Variants in AP3D1 observed in about 807,000 individuals in gnomAD.
The protein encoded by AP3D1 is adaptor related protein complex 3 subunit delta 1, also known as AP-3 complex subunit delta-1.
A neutral mutation model predicts 147.6 loss-of-function variants in AP3D1; 51 were observed. The ratio of observed to expected loss-of-function variants is 0.35; its 90% CI spans 0.28 to 0.44. The LOEUF is 0.44. Ranked by LOEUF, AP3D1 falls within the 20% of genes least tolerant of loss-of-function variation. The pLI is 1.00. For missense variants in AP3D1, 1,421 were observed against 1,624.2 expected, an observed-to-expected ratio of 0.87 and a Z score of 2.15; for synonymous variants, 760 against 663.0, an observed-to-expected ratio of 1.15 and a Z score of -2.25.
At chr19:2,139,542 G>T (rs891916250) in intron 1 of AP3D1, among the ~76,000 whole-genome samples, 1 of 152,170 alleles carries the variant, frequency 6.6e-6, no homozygotes, top group African/African-American at 2.4e-5. Context: ...GACGTGAGGC[G>T]CCCAACATAG....
chr19:2,145,154 C>A (rs778049473), intron 1 of AP3D1, among the ~76,000 whole-genome samples: 41 of 152,202 alleles, frequency 2.7e-4, no homozygotes, highest in Admixed American at 3.9e-4. Context: ...CAGGACAGGA[C>A]AAAACACCAG....
At chr19:2,134,077 G>A (rs2019017041) in intron 4 of AP3D1, among the ~76,000 whole-genome samples, 1 of 151,866 alleles carries the variant, frequency 6.6e-6, no homozygotes, top group East Asian at 1.9e-4. Flanking sequence ...TCCAGATGGC[G>A]ACAGAGTGAG....
Position 2,108,743 on chromosome 19 carries a change from C to A in AP3D1, c.3496G>T (p.Ala1166Ser). Residue 1166 changes from alanine (A) to serine (S), a missense_variant, in exon 31 of 32, where the codon GCC becomes TCC. This residue lies in a region of AP3D1 where 791 missense variants were observed against 761.4 expected (regional missense o/e 1.04). Coordinates refer to ENST00000643116, the MANE Select transcript of AP3D1 (RefSeq NM_001261826.3). ...TGGATGGAGCGGCTGTACATGGAGG[C>A]GCAGGAGTCCACTCGCTCCACAACT... ...FSVVERVDSC[A>S]SMYSRSIQGH... 6.3e-7 allele frequency: 1 copy of A among 1,578,634 alleles called. No individual in the cohort carries two copies. Among genetic ancestry groups the A allele is most frequent in the Non-Finnish European group, 8.6e-7 (1 of 1,162,570 alleles).
chr19:2,115,168 C>T (rs759867566), intron 20 of AP3D1, 51 bp downstream of exon 20: 15 of 1,566,006 alleles, frequency 9.6e-6, no homozygotes, highest in Middle Eastern at 1.7e-4. Context: ...CCAGGACACA[C>T]ACATGCGGAA....
chr19:2,130,617 C>G, intron 5 of AP3D1, 80 bp from the exon 6 acceptor site: 1 of 1,584,642 alleles, frequency 6.3e-7, no homozygotes, highest in Non-Finnish European at 8.6e-7. Flanking sequence ...GCCTCCTCCA[C>G]AGAGAGGAGA....
chr19:2,160,353 A>AC (rs1429495641), intron 1 of AP3D1, among the ~76,000 whole-genome samples: 1 of 151,320 alleles, frequency 6.6e-6, no homozygotes, highest in Non-Finnish European at 1.5e-5. Context: ...ACATGGTGAA[A>AC]CCCCATCTCT....
chr19:2,135,485 G>A (rs559556710), intron 4 of AP3D1, among the ~76,000 whole-genome samples: 13 of 151,990 alleles, frequency 8.6e-5, no homozygotes, highest in Non-Finnish European at 1.3e-4. Context: ...GCGGTGAGCC[G>A]ACATCACGCC....
intron 14 of AP3D1, among the ~76,000 whole-genome samples, 176 bp downstream of exon 14, chr19:2,120,686 G>A (rs1474987451): frequency 6.6e-6 from 1 of 152,214 alleles, no homozygotes; most frequent in Non-Finnish European, 1.5e-5. Flanking sequence ...CTCTGTAAAG[G>A]GGGAATGGGC....
At chr19:2,114,078 C>A in intron 22 of AP3D1, 47 bp downstream of exon 22, 3 of 1,531,204 alleles carry the variant, frequency 2.0e-6, no homozygotes, top group South Asian at 1.2e-5. Context: ...GAGTTCACGG[C>A]AAGGGAGGGG....
rs369499279 is a variant in AP3D1 at position 2,116,147 on chromosome 19, G to A, written c.2073+60C>T. The A allele has an allele frequency of 1.2e-4, 187 of 1,547,386 alleles. 1 individual carries two copies. The African/African-American group carries it at 2.3e-3, about 19-fold the overall frequency. On this transcript the variant is annotated intron_variant, in intron 18 of 31. Transcript: ENST00000643116. ...AACCCGAAACTCAGATGGATGCCGCGGGGCTCGGGTGGTGAGGGTAGAGGG... is the reference window on the plus strand; with the variant it reads ...AACCCGAAACTCAGATGGATGCCGCAGGGCTCGGGTGGTGAGGGTAGAGGG...
intron 1 of AP3D1, among the ~76,000 whole-genome samples, chr19:2,160,847 G>A (rs889934161): frequency 1.3e-5 from 2 of 152,112 alleles, no homozygotes; most frequent in Non-Finnish European, 2.9e-5. Context: ...GGTAAGCAGC[G>A]TCCGTGGCCT....
In AP3D1 at chr19:2,121,274, A is replaced by T; in HGVS notation, c.1139T>A (p.Leu380Gln). 2 of 1,614,174 alleles carry T rather than the reference A, an allele frequency of 1.2e-6. No individual in the cohort carries two copies. Among genetic ancestry groups the T allele is most frequent in the Non-Finnish European group, 1.7e-6 (2 of 1,180,020 alleles). ...CTCTGCCTTGTCTACGTGGGTCATC[A>T]GCTTCTTCACGATCTCCATCAGGTT... The part of the protein sequence containing the change: ...KKNLMEIVKK[L>Q]MTHVDKAEGT... The change falls in exon 13 of 32, where the codon CTG becomes CAG. Residue 380 changes from leucine to glutamine, a missense_variant. Transcript: ENST00000643116.
chr19:2,148,418 G>C (rs2019419051), intron 1 of AP3D1, among the ~76,000 whole-genome samples: 1 of 152,154 alleles, frequency 6.6e-6, no homozygotes, highest in Non-Finnish European at 1.5e-5. Context: ...CAAAGTTTCA[G>C]GACAGGACGG....
At chr19:2,129,894 C>T (rs2018888229) in intron 6 of AP3D1, among the ~76,000 whole-genome samples, 1 of 152,210 alleles carries the variant, frequency 6.6e-6, no homozygotes, top group Admixed American at 6.5e-5. Context: ...TCCCCTCCTG[C>T]ACACAGGGCC....
At chr19:2,135,960 C>A (rs35452464) in intron 4 of AP3D1, among the ~76,000 whole-genome samples, 1 of 152,088 alleles carries the variant, frequency 6.6e-6, no homozygotes, top group Non-Finnish European at 1.5e-5. Flanking sequence ...CAGGCCCCAC[C>A]TGCTACACGG....
intron 8 of AP3D1, among the ~76,000 whole-genome samples, chr19:2,128,384 G>C (rs962137262): frequency 6.6e-6 from 1 of 152,066 alleles, no homozygotes; most frequent in African/African-American, 2.4e-5. Context: ...TCATCTTTCA[G>C]CTGCTTCACG....
chr19:2,111,107 G>C (rs988860185), intron 26 of AP3D1, 178 bp downstream of exon 26: 10 of 932,292 alleles, frequency 1.1e-5, no homozygotes, highest in African/African-American at 1.7e-5. Flanking sequence ...AAGTCTCAGG[G>C]CATGTCTCCA....
Position 2,101,971 on chromosome 19 carries a change from T to C in AP3D1, c.*202A>G, listed in dbSNP as rs2017965992. The C allele has an allele frequency of 9.0e-6, 5 of 557,972 alleles. No individual in the cohort carries two copies. The highest frequency in any genetic ancestry group is 6.4e-5 in the South Asian group (3 of 47,072). The allele number at this position is 557,972 out of a possible 1,614,324, so 34.6% of individuals were successfully genotyped here. A position where few individuals can be genotyped will look rare whatever the true frequency, so the allele number is the denominator to read the frequency against. On this transcript the variant is annotated 3_prime_UTR_variant, in exon 32 of 32. Coordinates refer to ENST00000643116, the MANE Select transcript of AP3D1 (RefSeq NM_001261826.3). ...GAAGGGGACTTCTTGCCAAAGAGAA[T>C]GGGAAGAGTCACAGTAAAAAAGGAT...
intron 4 of AP3D1, among the ~76,000 whole-genome samples, chr19:2,136,627 C>A (rs1568301499): frequency 6.6e-6 from 1 of 152,208 alleles, no homozygotes; most frequent in Non-Finnish European, 1.5e-5. Context: ...GGGCAGGAAG[C>A]ACCCCACATG....
Sources: gnomAD v4.1 joint callset for allele counts (sites outside exome capture counted in the v4.1 genomes callset) on GRCh38, gnomAD v4.1.1 for gene constraint, gnomAD v4.1.1 regional missense constraint, MANE v1.5 for transcripts, NCBI Gene and HGNC (gene_info 2026-07-23, HGNC 2026-07-21) for gene names.